KLHL13: variants seen among roughly 807,000 people sequenced by gnomAD.
KLHL13 encodes the protein kelch-like protein 13.
Under a neutral mutation model 37.1 loss-of-function variants are expected in KLHL13, and 10 were observed. The observed-to-expected ratio is 0.27, with a 90% CI of 0.17 to 0.46. The LOEUF (loss-of-function observed/expected upper bound fraction) is 0.46, where lower values mean the gene tolerates loss of function less well. Ranked by LOEUF, KLHL13 falls within the 20% of genes least tolerant of loss-of-function variation. The pLI is 1.00. For missense variants in KLHL13, 360 were observed against 509.3 expected (o/e 0.71, Z 2.82); for synonymous variants, 163 against 181.2 (o/e 0.90, Z 0.81).
chrX:117,953,277 T>C (rs1400770079), intron 1 of KLHL13, among the ~76,000 whole-genome samples: 1 of 110,375 alleles, frequency 9.1e-6, no homozygotes, highest in African/African-American at 3.3e-5. Context: ...AAATTGGAAA[T>C]CATCATTCTC....
At chrX:118,002,915 T>C (rs1264660568) in intron 1 of KLHL13, among the ~76,000 whole-genome samples, 1 of 112,648 alleles carries the variant, frequency 8.9e-6, no homozygotes, top group Non-Finnish European at 1.9e-5. Context: ...GTTTGGTACC[T>C]ATGTCTGTTT....
intron 1 of KLHL13, among the ~76,000 whole-genome samples, chrX:118,051,643 G>A (rs1285163279): frequency 2.7e-5 from 3 of 110,505 alleles, no homozygotes; most frequent in Non-Finnish European, 5.7e-5. Context: ...ACACTCACGC[G>A]CACATACACA....
At chrX:118,044,433 GAAAAAAAA>G (rs145656367) in intron 1 of KLHL13, among the ~76,000 whole-genome samples, 1 of 82,883 alleles carries the variant, frequency 1.2e-5, no homozygotes, top group Non-Finnish European at 2.3e-5. Flanking sequence ...TTACTCTGAG[GAAAAAAAA>G]AAAAAAAGGA....
intron 1 of KLHL13, among the ~76,000 whole-genome samples, chrX:118,020,613 A>G (rs1030917731): frequency 1.8e-5 from 2 of 110,638 alleles, no homozygotes; most frequent in African/African-American, 3.3e-5. Flanking sequence ...AACTAGAAAT[A>G]CCATTTGACC....
intron 1 of KLHL13, among the ~76,000 whole-genome samples, chrX:118,010,612 G>C (rs1434078410): frequency 1.5e-5 from 1 of 65,824 alleles, no homozygotes; most frequent in Non-Finnish European, 2.8e-5. Flanking sequence ...AGGGGGGAGG[G>C]ATAGCATTGG....
intron 2 of KLHL13, among the ~76,000 whole-genome samples, chrX:117,943,923 T>C (rs1008980252): frequency 9.0e-6 from 1 of 110,970 alleles, no homozygotes; most frequent in African/African-American, 3.3e-5. Context: ...GTGTTTGGAA[T>C]TTTCAGCCTT....
chrX:118,081,454 GT>G (rs869246700), intron 1 of KLHL13, among the ~76,000 whole-genome samples: 3 of 110,048 alleles, frequency 2.7e-5, no homozygotes, highest in Non-Finnish European at 3.8e-5. Context: ...TTGATTTTTG[GT>G]TTTTTTTAAC....
chrX:117,918,177 T>C (rs1257034143), intron 4 of KLHL13, among the ~76,000 whole-genome samples: 1 of 111,965 alleles, frequency 8.9e-6, no homozygotes, highest in Admixed American at 9.5e-5. Context: ...AGCACCATGC[T>C]GCCATAAAAA....
chrX:118,073,015 G>C (rs1270635343), intron 1 of KLHL13, among the ~76,000 whole-genome samples: 2 of 108,889 alleles, frequency 1.8e-5, no homozygotes, highest in Admixed American at 9.9e-5. Flanking sequence ...AATTGCTTGA[G>C]CCCTGGAGGT....
intron 5 of KLHL13, among the ~76,000 whole-genome samples, chrX:117,905,691 C>T (rs952099447): frequency 5.4e-5 from 6 of 110,329 alleles, no homozygotes; most frequent in Admixed American, 9.6e-5. Flanking sequence ...GTACATAGTA[C>T]GTGTATATTT....
chrX:118,061,659 A>G (rs2054743367), intron 1 of KLHL13, among the ~76,000 whole-genome samples: 1 of 111,756 alleles, frequency 8.9e-6, no homozygotes, highest in African/African-American at 3.2e-5. Context: ...GTTTAGTATA[A>G]TAGTGCAGTT....
intron 4 of KLHL13, among the ~76,000 whole-genome samples, chrX:117,913,863 G>C (rs1168088625): frequency 9.5e-6 from 1 of 104,870 alleles, no homozygotes. Context: ...AAAAAAAAAA[G>C]AACAACAAAA....
At chrX:117,972,808 C>T (rs1214866972) in exon 1 of KLHL13, 2 of 1,209,595 alleles carry the variant, frequency 1.7e-6, no homozygotes, top group Non-Finnish European at 2.2e-6. Context: ...CAGGAGAGCT[C>T]GTTTTCCATT....
Position 117,943,384 on chromosome X carries a change from T to C in KLHL13, c.240+2050A>G, listed in dbSNP as rs12853526. On this transcript the variant is annotated intron_variant, in intron 2 of 6. Coordinates refer to ENST00000262820, the Ensembl canonical transcript of KLHL13. Reference sequence around the variant, plus strand: ...TTGAATGTTGGCCTCTCTTGCTAGGTTGGGGAAGTTCTCCTGGAGAATACC... The same window carrying C: ...TTGAATGTTGGCCTCTCTTGCTAGGCTGGGGAAGTTCTCCTGGAGAATACC... 2.7e-3 allele frequency among the ~76,000 whole-genome samples: 303 copies of C among 111,246 alleles called. 2 individuals carry two copies. Among genetic ancestry groups the C allele is most frequent in the African/African-American group, 9.5e-3 (290 of 30,601 alleles).
rs34595195 is a variant in KLHL13 at position 117,929,771 on chromosome X, G to A, written c.241-9401C>T. Among the ~76,000 whole-genome samples, 594 of 61,294 alleles carry A rather than the reference G, an allele frequency of 9.7e-3. 9 individuals are homozygous for A. The highest frequency in any genetic ancestry group is 0.045 in the African/African-American group (562 of 12,498). 53.2% of individuals were successfully genotyped at this position (61,294 alleles called of 115,157 possible). ...AGCCTGGGCAATATAGTGAGACATC[G>A]TCTCTACAAAAAAAAAAAAAAAAAA... On this transcript the variant is annotated intron_variant, in intron 2 of 6. Transcript: ENST00000262820.
At chrX:117,901,946 G>A in exon 6 of KLHL13, 2 of 1,042,293 alleles carry the variant, frequency 1.9e-6, no homozygotes, top group African/African-American at 1.9e-5. Flanking sequence ...TTCTACTGTG[G>A]CTGTTAAAAA....
chrX:117,898,662 C>CTT, exon 7 of KLHL13: 1 of 333,445 alleles, frequency 3.0e-6, no homozygotes, highest in South Asian at 7.0e-5. Context: ...ATAGACAATA[C>CTT]TTTTTTTTTC....
At chrX:118,084,278 T>C (rs769389326) in intron 1 of KLHL13, among the ~76,000 whole-genome samples, 1 of 111,952 alleles carries the variant, frequency 8.9e-6, no homozygotes, top group East Asian at 2.8e-4. Flanking sequence ...TGATTGCACC[T>C]TTGCACTCCA....
chrX:118,110,599 G>A (rs2055399948), intron 1 of KLHL13, among the ~76,000 whole-genome samples: 1 of 109,609 alleles, frequency 9.1e-6, no homozygotes, highest in South Asian at 4.0e-4. Flanking sequence ...GGATGGTCTC[G>A]ATCTCCTAAC....
Sources: allele counts gnomAD v4.1 joint callset (sites outside exome capture counted in the v4.1 genomes callset), GRCh38; gene constraint gnomAD v4.1.1; transcripts MANE v1.5; gene names NCBI Gene and HGNC (gene_info 2026-07-23, HGNC 2026-07-21).